Variants in TENM1 observed in about 807,000 individuals in gnomAD.
TENM1 encodes teneurin-1.
A neutral mutation model predicts 174.8 loss-of-function variants in TENM1; 35 were observed. That is an observed-to-expected ratio of 0.20 (90% CI 0.15 to 0.27). The LOEUF (loss-of-function observed/expected upper bound fraction) is 0.27, where lower values mean the gene tolerates loss of function less well. Among genes scored for constraint, TENM1 ranks in the 10% least tolerant of loss-of-function variants. The pLI, the probability that TENM1 is intolerant of heterozygous loss-of-function variation, is 1.00. For missense variants in TENM1, 1,633 were observed against 2,130.1 expected, an observed-to-expected ratio of 0.77 and a Z score of 4.59; for synonymous variants, 781 against 798.7, an observed-to-expected ratio of 0.98 and a Z score of 0.37.
the TENM1 span, among the ~76,000 whole-genome samples, chrX:125,203,284 A>C: frequency 2.7e-5 from 3 of 112,705 alleles, no homozygotes; most frequent in African/African-American, 9.7e-5. Flanking sequence ...CCTGGACCCC[A>C]GTGGCAGAGC....
At chrX:125,165,359 A>G in the TENM1 span, among the ~76,000 whole-genome samples, 1 of 112,078 alleles carries the variant, frequency 8.9e-6, no homozygotes, top group South Asian at 3.7e-4. Flanking sequence ...ACTAATACAG[A>G]CACATGTATA....
At chrX:125,092,975 G>T in the TENM1 span, among the ~76,000 whole-genome samples, 289 of 111,981 alleles carry the variant, frequency 2.6e-3, no homozygotes, top group African/African-American at 9.1e-3. Flanking sequence ...TATTAATGTA[G>T]CAACAAAGCT....
chrX:124,561,912 G>A, intron 13 of TENM1, 95 bp from the exon 17 acceptor site: 1 of 912,118 alleles, frequency 1.1e-6, no homozygotes, highest in Non-Finnish European at 1.5e-6. Flanking sequence ...CTAACCATCT[G>A]GGCCCCATTC....
At chrX:124,437,617 C>T (rs1050287569) in intron 23 of TENM1, among the ~76,000 whole-genome samples, 1 of 111,679 alleles carries the variant, frequency 9.0e-6, no homozygotes, top group Non-Finnish European at 1.9e-5. Flanking sequence ...CATGAAGTTG[C>T]CCCGTGACAA....
At chrX:124,796,947 A>G (rs966864495) in intron 3 of TENM1, among the ~76,000 whole-genome samples, 1 of 111,892 alleles carries the variant, frequency 8.9e-6, no homozygotes, top group African/African-American at 3.2e-5. Context: ...CTTCTCTTTC[A>G]TGAGAATGTC....
At chrX:125,140,679 A>T in the TENM1 span, among the ~76,000 whole-genome samples, 5 of 112,535 alleles carry the variant, frequency 4.4e-5, no homozygotes, top group East Asian at 2.8e-4. Flanking sequence ...TGTATTACAC[A>T]TTGTATGCAT....
chrX:124,575,059 A>G (rs901301100), intron 11 of TENM1, among the ~76,000 whole-genome samples: 2 of 112,255 alleles, frequency 1.8e-5, no homozygotes, highest in East Asian at 5.6e-4. Context: ...ACACATATAT[A>G]CATGCATGCA....
chrX:124,380,950 G>T, exon 32 of TENM1: 1 of 1,211,476 alleles, frequency 8.3e-7, no homozygotes, highest in Non-Finnish European at 1.1e-6. Flanking sequence ...CAGTGTTACC[G>T]ATGAGCACCA....
At chrX:124,535,566 G>T (rs1408149122) in intron 15 of TENM1, among the ~76,000 whole-genome samples, 6 of 111,728 alleles carry the variant, frequency 5.4e-5, no homozygotes, top group Non-Finnish European at 9.4e-5. Context: ...CAATTTATTT[G>T]TCCCAAATAA....
intron 3 of TENM1, among the ~76,000 whole-genome samples, chrX:124,872,062 A>G (rs1460832250): frequency 9.2e-6 from 1 of 108,737 alleles, no homozygotes; most frequent in East Asian, 2.9e-4. Flanking sequence ...AGAAGGAAGG[A>G]AAAGAATCAG....
chrX:124,586,387 G>A (rs1478645662), intron 11 of TENM1, among the ~76,000 whole-genome samples: 8 of 106,300 alleles, frequency 7.5e-5, no homozygotes, highest in Admixed American at 7.0e-4. Context: ...TTCAATATAC[G>A]CAAATCAAGA....
At chrX:125,099,135 C>T in the TENM1 span, among the ~76,000 whole-genome samples, 111 of 112,083 alleles carry the variant, frequency 9.9e-4, 1 homozygote, top group Non-Finnish European at 1.7e-3. Flanking sequence ...AGAGGTATTT[C>T]TAATAGTTGC....
the TENM1 span, among the ~76,000 whole-genome samples, chrX:125,027,118 C>T: frequency 1.8e-5 from 2 of 111,863 alleles, no homozygotes; most frequent in East Asian, 5.6e-4. Context: ...AAGCATTAGA[C>T]AAAACTGTCA....
chrX:124,684,386 C>G (rs1390559837), intron 5 of TENM1, among the ~76,000 whole-genome samples: 2 of 112,548 alleles, frequency 1.8e-5, no homozygotes, highest in Non-Finnish European at 3.8e-5. Context: ...TACTACTCTC[C>G]CAGGCTTACA....
chrX:125,126,681 C>T, the TENM1 span, among the ~76,000 whole-genome samples: 1 of 110,748 alleles, frequency 9.0e-6, no homozygotes, highest in African/African-American at 3.3e-5. Context: ...GTTGTAATGG[C>T]ATGTCCCTAG....
intron 22 of TENM1, among the ~76,000 whole-genome samples, chrX:124,463,877 G>GTGTGTGTGTGT (rs781695591): frequency 1.0e-5 from 1 of 96,883 alleles, no homozygotes; most frequent in Non-Finnish European, 2.1e-5. Flanking sequence ...GTGTGTGTGT[G>GTGTGTGTGTGT]GAGAGAGAGA....
the TENM1 span, among the ~76,000 whole-genome samples, chrX:125,053,914 C>A: frequency 2.7e-5 from 3 of 111,483 alleles, no homozygotes; most frequent in African/African-American, 9.8e-5. Context: ...CTGGCTTCAC[C>A]ACCCACGCTC....
In TENM1 at chrX:124,866,944, A is replaced by C. The variant is rs898799234; in HGVS notation, c.535+27352T>G. Among the ~76,000 whole-genome samples, 3 of 111,683 alleles carry C rather than the reference A, an allele frequency of 2.7e-5. 1 individual carries two copies. The Middle Eastern group carries it at 0.014, about 517-fold the overall frequency. ...ACATATAACCTACCAAGATTGAACT[A>C]GGAAAAAATCCAAAACCTAAACAGA... On this transcript the variant is annotated intron_variant, in intron 3 of 31. Transcript: ENST00000422452.
In TENM1 at chrX:124,563,734, T is replaced by C. The variant is rs1476635056; in HGVS notation, c.2287+15A>G. The C allele has an allele frequency of 1.7e-6, 2 of 1,170,835 alleles. No homozygotes were observed. The highest frequency in any genetic ancestry group is 2.3e-6 in the Non-Finnish European group (2 of 867,736). ...AAATATATTTCTGTTATAAAATTAG[T>C]GAGAAAAATCTTACCTCGGACAGCA... On this transcript the variant is annotated intron_variant, in intron 13 of 31. Coordinates refer to ENST00000422452, the Ensembl canonical transcript of TENM1.
Sources: allele counts gnomAD v4.1 joint callset (sites outside exome capture counted in the v4.1 genomes callset), GRCh38; gene constraint gnomAD v4.1.1; transcripts MANE v1.5; gene names NCBI Gene and HGNC (gene_info 2026-07-23, HGNC 2026-07-21).